The following DEPTOR variants were observed in gnomAD, a reference collection of about 807,000 sequenced individuals.
The protein encoded by DEPTOR is DEP domain containing MTOR interacting protein.
A neutral mutation model predicts 41.6 loss-of-function variants in DEPTOR; 41 were observed. The observed-to-expected ratio is 0.98, with a 90% CI of 0.77 to 1.28. The LOEUF (loss-of-function observed/expected upper bound fraction) is 1.28. Among genes scored for constraint, DEPTOR ranks in the 50% most tolerant of loss-of-function variants. DEPTOR has a pLI of 0.00. For missense variants in DEPTOR, 514 were observed against 527.9 expected (o/e 0.97, Z 0.26); for synonymous variants, 195 against 192.3 (o/e 1.01, Z -0.12).
At chr8:119,907,169 C>G (rs1201956715) in intron 1 of DEPTOR, among the ~76,000 whole-genome samples, 1 of 152,098 alleles carries the variant, frequency 6.6e-6, no homozygotes, top group African/African-American at 2.4e-5. Flanking sequence ...AACGTAAGAT[C>G]TGGCCCATGA....
intron 8 of DEPTOR, among the ~76,000 whole-genome samples, chr8:120,037,974 T>G (rs1813002621): frequency 6.6e-6 from 1 of 152,156 alleles, no homozygotes; most frequent in Non-Finnish European, 1.5e-5. Context: ...TGCAGTGTTC[T>G]TAAGAAATTC....
At chr8:119,978,541 T>G (rs114933942) in intron 4 of DEPTOR, among the ~76,000 whole-genome samples, 2,247 of 152,272 alleles carry the variant, frequency 0.015, 49 homozygotes, top group African/African-American at 0.051. Context: ...GACCAAAAGT[T>G]GAGAGGCTCT....
intron 3 of DEPTOR, among the ~76,000 whole-genome samples, chr8:119,957,578 T>TTTTC (rs1554676220): frequency 2.7e-5 from 4 of 150,640 alleles, no homozygotes; most frequent in African/African-American, 7.3e-5. Flanking sequence ...TCTATTTTTT[T>TTTTC]TTTCTTTCTT....
chr8:119,960,854 C>A (rs539847501), intron 3 of DEPTOR, among the ~76,000 whole-genome samples: 1 of 151,872 alleles, frequency 6.6e-6, no homozygotes. Context: ...CTTGGTGGCA[C>A]GTGCCTGTAA....
chr8:119,894,384 T>TTTATTTATTTATTTATTTA (rs1586602497), intron 1 of DEPTOR, among the ~76,000 whole-genome samples: 4 of 46,414 alleles, frequency 8.6e-5, no homozygotes, highest in South Asian at 5.3e-4. Flanking sequence ...AATAGTTCTT[T>TTTATTTATTTATTTATTTA]TTTATTTATT....
intron 8 of DEPTOR, among the ~76,000 whole-genome samples, chr8:120,026,770 A>G (rs1198643495): frequency 2.6e-5 from 4 of 152,206 alleles, no homozygotes; most frequent in Admixed American, 1.3e-4. Context: ...GTTGTATGAA[A>G]TAGACTCACT....
At chr8:119,991,397 C>T (rs889169143) in intron 4 of DEPTOR, among the ~76,000 whole-genome samples, 2 of 152,022 alleles carry the variant, frequency 1.3e-5, no homozygotes, top group Admixed American at 1.3e-4. Context: ...CTCACTGCAA[C>T]CTCCTCCTCC....
chr8:119,988,220 T>G (rs1828854343), intron 4 of DEPTOR, among the ~76,000 whole-genome samples: 1 of 152,154 alleles, frequency 6.6e-6, no homozygotes, highest in Non-Finnish European at 1.5e-5. Flanking sequence ...GAATGCACTG[T>G]TCCTCATGGC....
At chr8:120,014,527 AT>A (rs146018864) in intron 8 of DEPTOR, among the ~76,000 whole-genome samples, 62 of 150,506 alleles carry the variant, frequency 4.1e-4, no homozygotes, top group Admixed American at 1.3e-3. Flanking sequence ...TCCCCAAGCT[AT>A]TTTTTTTTCC....
intron 1 of DEPTOR, among the ~76,000 whole-genome samples, chr8:119,878,938 C>A (rs969627765): frequency 3.3e-5 from 5 of 151,430 alleles, no homozygotes; most frequent in Non-Finnish European, 5.9e-5. Flanking sequence ...TGGAGAAACC[C>A]CATCTCTACT....
chr8:119,998,424 A>G (rs917801489), intron 4 of DEPTOR, among the ~76,000 whole-genome samples: 1 of 152,138 alleles, frequency 6.6e-6, no homozygotes, highest in Non-Finnish European at 1.5e-5. Flanking sequence ...ATATTGACTA[A>G]TGAGGTTGAG....
At position 119,929,825 on chromosome 8, in the gene DEPTOR, G is replaced by A. The variant is rs1828017176; in HGVS notation, c.312G>A (p.Glu104=). The change falls in exon 3 of 9, where the codon GAG becomes GAA. Residue 104 remains glutamate (E), a synonymous_variant. Transcript: ENST00000286234. ...CATATTGTGTTTCAGTGTGTGATGAGCATAAGGAATTCAAGGATGTCAAAC... is the reference window on the plus strand; with the variant it reads ...CATATTGTGTTTCAGTGTGTGATGAACATAAGGAATTCAAGGATGTCAAAC... ...DRGIIHHVCD[E]HKEFKDVKLF... 3 of 1,612,414 alleles carry A rather than the reference G, an allele frequency of 1.9e-6. No homozygotes were observed. The highest frequency in any genetic ancestry group is 1.1e-5 in the South Asian group (1 of 90,870).
intron 2 of DEPTOR, 117 bp from the exon 3 acceptor site, chr8:119,929,698 G>A: frequency 7.4e-7 from 1 of 1,351,232 alleles, no homozygotes; most frequent in Non-Finnish European, 1.0e-6. Context: ...GTACATATTT[G>A]CATGCATGAA....
At chr8:119,880,047 C>A (rs1325401696) in intron 1 of DEPTOR, among the ~76,000 whole-genome samples, 1 of 151,694 alleles carries the variant, frequency 6.6e-6, no homozygotes, top group Admixed American at 6.6e-5. Context: ...GAGGCTGAGG[C>A]AGAAAAATTG....
chr8:119,982,609 C>T (rs538231761), intron 4 of DEPTOR, among the ~76,000 whole-genome samples: 1 of 152,320 alleles, frequency 6.6e-6, no homozygotes, highest in Non-Finnish European at 1.5e-5. Context: ...GTTTCTCTGC[C>T]TCCTGAAGTG....
intron 4 of DEPTOR, among the ~76,000 whole-genome samples, chr8:119,975,682 C>G (rs1327476753): frequency 6.6e-6 from 1 of 151,916 alleles, no homozygotes; most frequent in Non-Finnish European, 1.5e-5. Context: ...TAAGCCAAGA[C>G]AGCAGGATGA....
intron 3 of DEPTOR, among the ~76,000 whole-genome samples, chr8:119,944,366 T>C (rs1319543715): frequency 1.3e-5 from 2 of 152,226 alleles, no homozygotes; most frequent in Non-Finnish European, 2.9e-5. Flanking sequence ...AGTTGGCACG[T>C]GATACACTTA....
chr8:119,941,342 C>T (rs1350594059), intron 3 of DEPTOR, among the ~76,000 whole-genome samples: 1 of 124,592 alleles, frequency 8.0e-6, no homozygotes, highest in Non-Finnish European at 1.6e-5. Context: ...CATTGCACTC[C>T]AGCCTGGGCA....
chr8:119,989,209 C>T (rs1828868415), intron 4 of DEPTOR, among the ~76,000 whole-genome samples: 1 of 152,062 alleles, frequency 6.6e-6, no homozygotes, highest in Admixed American at 6.6e-5. Flanking sequence ...CTATGTTGCT[C>T]AGGTTAGTGT....
Sources: gnomAD v4.1 joint callset for allele counts (sites outside exome capture counted in the v4.1 genomes callset) on GRCh38, gnomAD v4.1.1 for gene constraint, MANE v1.5 for transcripts, NCBI Gene and HGNC (gene_info 2026-07-23, HGNC 2026-07-21) for gene names.